Variants in DGKB observed in about 807,000 individuals in gnomAD.
DGKB encodes the protein 90 kDa diacylglycerol kinase.
DGKB carries 67 observed loss-of-function variants against 114.3 expected under a neutral mutation model. That is an observed-to-expected ratio of 0.59 (90% CI 0.48 to 0.72). DGKB has a LOEUF of 0.72. Ranked by LOEUF, DGKB falls within the 30% of genes least tolerant of loss-of-function variation. DGKB has a pLI of 0.00. For missense variants in DGKB, 907 were observed against 975.2 expected, an observed-to-expected ratio of 0.93 and a Z score of 0.93; for synonymous variants, 398 against 323.1, an observed-to-expected ratio of 1.23 and a Z score of -2.49.
intron 2 of DGKB, among the ~76,000 whole-genome samples, chr7:14,760,071 A>G (rs1835460992): frequency 6.6e-6 from 1 of 152,106 alleles, no homozygotes; most frequent in South Asian, 2.1e-4. Flanking sequence ...CAAAATGTCT[A>G]TTCAAGTTCT....
intron 23 of DGKB, among the ~76,000 whole-genome samples, chr7:14,192,708 G>A (rs1784476925): frequency 6.6e-6 from 1 of 151,982 alleles, no homozygotes; most frequent in Non-Finnish European, 1.5e-5. Flanking sequence ...TACATTTATT[G>A]TGCACTTTAT....
At chr7:14,638,954 C>T (rs186868929) in intron 13 of DGKB, among the ~76,000 whole-genome samples, 2 of 152,224 alleles carry the variant, frequency 1.3e-5, no homozygotes, top group Admixed American at 1.3e-4. Flanking sequence ...AGGAGAATCG[C>T]TTGAACCCGG....
intron 12 of DGKB, among the ~76,000 whole-genome samples, chr7:14,674,382 A>C (rs1819506683): frequency 6.6e-6 from 1 of 152,194 alleles, no homozygotes; most frequent in Non-Finnish European, 1.5e-5. Flanking sequence ...CTCAGAGCAA[A>C]TTAAAAGGTA....
intron 20 of DGKB, among the ~76,000 whole-genome samples, chr7:14,568,433 T>G (rs747710824): frequency 2.6e-5 from 4 of 152,142 alleles, no homozygotes; most frequent in African/African-American, 9.7e-5. Context: ...AGGCAAGTGA[T>G]TGAGATCTGG....
At chr7:14,916,095 C>T (rs563074188) in intron 1 of DGKB, among the ~76,000 whole-genome samples, 15 of 143,982 alleles carry the variant, frequency 1.0e-4, no homozygotes, top group Admixed American at 2.7e-4. Context: ...TCGGTACATG[C>T]ATGTACCATC....
chr7:14,631,393 G>T (rs182948071), intron 13 of DGKB, among the ~76,000 whole-genome samples: 3 of 151,824 alleles, frequency 2.0e-5, no homozygotes, highest in African/African-American at 7.3e-5. Context: ...AGAAGGAGAA[G>T]AAGAGGTCTA....
At chr7:14,790,889 A>G (rs1840575881) in intron 2 of DGKB, among the ~76,000 whole-genome samples, 1 of 152,170 alleles carries the variant, frequency 6.6e-6, no homozygotes. Flanking sequence ...TCTTTATATT[A>G]TTTTAGGGAG....
chr7:14,623,884 C>G (rs1392956664), intron 14 of DGKB, among the ~76,000 whole-genome samples: 2 of 152,114 alleles, frequency 1.3e-5, no homozygotes, highest in Non-Finnish European at 2.9e-5. Flanking sequence ...AATCTCATCT[C>G]TACTACCTAA....
At chr7:14,191,911 G>A in intron 23 of DGKB, 2 of 597,978 alleles carry the variant, frequency 3.3e-6, no homozygotes, top group Non-Finnish European at 5.9e-6. Flanking sequence ...TTGATTGCCA[G>A]TCTGGTAAAA....
At chr7:14,581,660 TTTTA>T (rs897045379) in intron 18 of DGKB, among the ~76,000 whole-genome samples, 15 of 152,208 alleles carry the variant, frequency 9.9e-5, no homozygotes, top group African/African-American at 2.7e-4. Context: ...TATCACTTTC[TTTTA>T]TTTGTTTCTT....
chr7:14,935,210 C>T (rs559665201), intron 1 of DGKB, among the ~76,000 whole-genome samples: 4 of 152,016 alleles, frequency 2.6e-5, no homozygotes, highest in Admixed American at 6.5e-5. Context: ...GAATAACTAA[C>T]AAAAAAGAGA....
chr7:14,887,412 C>T (rs1351359220), intron 1 of DGKB, among the ~76,000 whole-genome samples: 1 of 151,742 alleles, frequency 6.6e-6, no homozygotes, highest in African/African-American at 2.4e-5. Context: ...TACCTCTTCT[C>T]TATTGCAAAA....
At chr7:14,769,477 T>C (rs1837088162) in intron 2 of DGKB, among the ~76,000 whole-genome samples, 1 of 151,920 alleles carries the variant, frequency 6.6e-6, no homozygotes, top group East Asian at 1.9e-4. Flanking sequence ...GTCATGTTGA[T>C]ATTGGGATTT....
At chr7:14,548,208 G>C (rs1251700153) in intron 20 of DGKB, among the ~76,000 whole-genome samples, 2 of 152,250 alleles carry the variant, frequency 1.3e-5, no homozygotes, top group African/African-American at 4.8e-5. Flanking sequence ...ATCTGTTTGA[G>C]AACTACGTGT....
chr7:14,880,451 C>G (rs1266483821), intron 1 of DGKB, among the ~76,000 whole-genome samples: 1 of 152,078 alleles, frequency 6.6e-6, no homozygotes, highest in African/African-American at 2.4e-5. Context: ...GAGTGAGACT[C>G]CATCTCAAAT....
chr7:14,269,196 G>C (rs1002914295), intron 23 of DGKB: 1 of 152,260 alleles, frequency 6.6e-6, no homozygotes, highest in Non-Finnish European at 1.5e-5. Flanking sequence ...GCTTTACCCA[G>C]AGTGCACAGT....
At chr7:14,421,065 T>C (rs1366104942) in intron 21 of DGKB, among the ~76,000 whole-genome samples, 2 of 152,114 alleles carry the variant, frequency 1.3e-5, no homozygotes, top group African/African-American at 2.4e-5. Flanking sequence ...CAGCCTCTGA[T>C]TGGCCAGAGT....
At chr7:14,377,662 A>T (rs1015100756) in intron 21 of DGKB, among the ~76,000 whole-genome samples, 4 of 152,186 alleles carry the variant, frequency 2.6e-5, no homozygotes, top group Admixed American at 6.5e-5. Flanking sequence ...TGTATATCCA[A>T]ACCGTATACC....
At chr7:14,368,406 A>T (rs1817058691) in intron 21 of DGKB, among the ~76,000 whole-genome samples, 1 of 152,166 alleles carries the variant, frequency 6.6e-6, no homozygotes, top group Admixed American at 6.6e-5. Flanking sequence ...TGATTTTATG[A>T]ATCAAATGAG....
Sources: allele counts gnomAD v4.1 joint callset (sites outside exome capture counted in the v4.1 genomes callset), GRCh38; gene constraint gnomAD v4.1.1; transcripts MANE v1.5; gene names NCBI Gene and HGNC (gene_info 2026-07-23, HGNC 2026-07-21).